TRPC4: variants seen among roughly 807,000 people sequenced by gnomAD.
TRPC4 encodes short transient receptor potential channel 4.
Under a neutral mutation model 99.4 loss-of-function variants are expected in TRPC4, and 49 were observed. The observed-to-expected ratio is 0.49, with a 90% CI of 0.39 to 0.63. The LOEUF (loss-of-function observed/expected upper bound fraction) is 0.63, where lower values mean the gene tolerates loss of function less well. Ranked by LOEUF, TRPC4 falls within the 20% of genes least tolerant of loss-of-function variation. TRPC4 has a pLI of 0.00. For missense variants in TRPC4, 898 were observed against 1,152.9 expected, an observed-to-expected ratio of 0.78 and a Z score of 3.20; for synonymous variants, 454 against 425.9, an observed-to-expected ratio of 1.07 and a Z score of -0.81.
chr13:37,845,831 C>T (rs988891167), intron 1 of TRPC4, among the ~76,000 whole-genome samples: 1 of 151,962 alleles, frequency 6.6e-6, no homozygotes, highest in African/African-American at 2.4e-5. Context: ...TCACAGGTTG[C>T]CAATCAAATT....
At chr13:37,828,752 T>C (rs537091298) in intron 1 of TRPC4, among the ~76,000 whole-genome samples, 1 of 152,288 alleles carries the variant, frequency 6.6e-6, no homozygotes, top group East Asian at 1.9e-4. Context: ...AAATACCACA[T>C]CTTCTCCCTT....
Position 37,819,895 on chromosome 13 carries a change from A to T in TRPC4, c.-27-36535T>A, listed in dbSNP as rs1038465361. On this transcript the variant is annotated intron_variant, in intron 1 of 10. Coordinates refer to ENST00000379705, the MANE Select transcript of TRPC4 (RefSeq NM_016179.4). ...CATCACACCTAGAGGAACTAAAAAAACAAGGGCCAGCCAACCCCAAATCTA... is the reference window on the plus strand; with the variant it reads ...CATCACACCTAGAGGAACTAAAAAATCAAGGGCCAGCCAACCCCAAATCTA... Among the ~76,000 whole-genome samples the T allele has an allele frequency of 5.9e-5, 9 of 152,054 alleles. No individual in the cohort carries two copies. The East Asian group carries it at 1.5e-3, about 26-fold the overall frequency.
intron 1 of TRPC4, among the ~76,000 whole-genome samples, chr13:37,849,628 G>A (rs936261765): frequency 6.6e-6 from 1 of 152,156 alleles, no homozygotes; most frequent in African/African-American, 2.4e-5. Flanking sequence ...CGTCCAACAG[G>A]ATCTCATTGT....
At chr13:37,722,946 T>C (rs11147666) in intron 3 of TRPC4, among the ~76,000 whole-genome samples, 17,310 of 152,020 alleles carry the variant, frequency 0.11, 1,104 homozygotes, top group Admixed American at 0.18. Context: ...CACAAGGTAA[T>C]ATAGGTGTAC....
chr13:37,740,969 C>A (rs1317517210), intron 3 of TRPC4, among the ~76,000 whole-genome samples: 1 of 152,080 alleles, frequency 6.6e-6, no homozygotes, highest in Admixed American at 6.6e-5. Flanking sequence ...TAGGACGAAA[C>A]CCAAATTAGT....
intron 2 of TRPC4, among the ~76,000 whole-genome samples, chr13:37,780,076 C>T (rs1222055422): frequency 6.6e-6 from 1 of 152,004 alleles, no homozygotes; most frequent in Non-Finnish European, 1.5e-5. Flanking sequence ...CTCCTCAGGG[C>T]CCAGGACGAG....
intron 3 of TRPC4, among the ~76,000 whole-genome samples, chr13:37,694,260 T>C (rs1013418105): frequency 2.0e-5 from 3 of 152,150 alleles, no homozygotes; most frequent in Admixed American, 1.3e-4. Flanking sequence ...AAATGCAAGA[T>C]ATAACAAGCA....
At chr13:37,771,489 G>A (rs962422278) in intron 2 of TRPC4, among the ~76,000 whole-genome samples, 3 of 151,472 alleles carry the variant, frequency 2.0e-5, no homozygotes, top group African/African-American at 7.3e-5. Context: ...CCAAACCTAA[G>A]AAACTATCTA....
chr13:37,828,246 G>A lies in TRPC4; in HGVS notation c.-28+41349C>T, dbSNP rs572371216. ...ATCACCCGTCTTCTGCGTTGCTCACGCTGGGAGCTGTAGACCGGAGCTGTT... is the reference window on the plus strand; with the variant it reads ...ATCACCCGTCTTCTGCGTTGCTCACACTGGGAGCTGTAGACCGGAGCTGTT... On this transcript the variant is annotated intron_variant, in intron 1 of 10. Coordinates refer to ENST00000379705, the MANE Select transcript of TRPC4 (RefSeq NM_016179.4). Among the ~76,000 whole-genome samples, 147 of 152,298 alleles carry A rather than the reference G, an allele frequency of 9.7e-4. 2 individuals carry two copies. Among genetic ancestry groups the A allele is most frequent in the Middle Eastern group, 3.4e-3 (1 of 294 alleles).
At chr13:37,695,636 T>C (rs907380659) in intron 3 of TRPC4, among the ~76,000 whole-genome samples, 18 of 152,224 alleles carry the variant, frequency 1.2e-4, no homozygotes, top group African/African-American at 4.1e-4. Context: ...AAATTCACAT[T>C]TGTGCTGTGC....
chr13:37,668,855 A>G (rs1305318738), intron 5 of TRPC4, among the ~76,000 whole-genome samples: 1 of 152,156 alleles, frequency 6.6e-6, no homozygotes, highest in African/African-American at 2.4e-5. Context: ...TTATCAGATA[A>G]TTAAGTAGTG....
intron 1 of TRPC4, among the ~76,000 whole-genome samples, chr13:37,857,388 A>G (rs374752476): frequency 2.0e-5 from 3 of 151,732 alleles, no homozygotes; most frequent in Non-Finnish European, 4.4e-5. Context: ...CAAAATACCA[A>G]TGACATTCTT....
chr13:37,663,765 A>T, intron 5 of TRPC4, 36 bp from the exon 6 acceptor site: 1 of 1,534,056 alleles, frequency 6.5e-7, no homozygotes, highest in Non-Finnish European at 8.9e-7. Flanking sequence ...AAAGTAAAAC[A>T]AACACACGCA....
At chr13:37,671,212 C>A (rs762195000) in intron 5 of TRPC4, among the ~76,000 whole-genome samples, 1 of 152,030 alleles carries the variant, frequency 6.6e-6, no homozygotes, top group Admixed American at 6.6e-5. Context: ...TTTTTTCATG[C>A]AAATTACCTA....
intron 2 of TRPC4, among the ~76,000 whole-genome samples, chr13:37,765,974 C>T (rs1956353580): frequency 8.1e-6 from 1 of 123,372 alleles, no homozygotes; most frequent in Non-Finnish European, 2.0e-5. Context: ...CAAGATGAAT[C>T]ATTTTTTTTC....
At chr13:37,691,662 A>T (rs1010779329) in intron 4 of TRPC4, among the ~76,000 whole-genome samples, 28 of 152,332 alleles carry the variant, frequency 1.8e-4, no homozygotes, top group Admixed American at 9.8e-4. Context: ...AGACTTATCT[A>T]TTAGGAATAT....
intron 4 of TRPC4, among the ~76,000 whole-genome samples, chr13:37,675,507 T>C (rs1953016136): frequency 1.3e-5 from 2 of 152,132 alleles, no homozygotes; most frequent in Non-Finnish European, 1.5e-5. Flanking sequence ...TCATGGACCC[T>C]ATCCACAGCT....
At chr13:37,698,682 A>C (rs149242214) in intron 3 of TRPC4, among the ~76,000 whole-genome samples, 279 of 152,302 alleles carry the variant, frequency 1.8e-3, no homozygotes, top group Admixed American at 4.2e-3. Context: ...GGGAATAAAC[A>C]CAAAAATCTC....
At chr13:37,706,361 C>T (rs1954277613) in intron 3 of TRPC4, among the ~76,000 whole-genome samples, 1 of 152,104 alleles carries the variant, frequency 6.6e-6, no homozygotes. Context: ...CTTCCTCTGC[C>T]TCTTCTTAAC....
Sources: gnomAD v4.1 joint callset for allele counts (sites outside exome capture counted in the v4.1 genomes callset) on GRCh38, gnomAD v4.1.1 for gene constraint, MANE v1.5 for transcripts, NCBI Gene and HGNC (gene_info 2026-07-23, HGNC 2026-07-21) for gene names.